The following COL4A5 variants were observed in gnomAD, a reference collection of about 807,000 sequenced individuals.
The protein encoded by COL4A5 is collagen alpha-5(IV) chain.
A neutral mutation model predicts 130.2 loss-of-function variants in COL4A5; 26 were observed. That is an observed-to-expected ratio of 0.20 (90% CI 0.15 to 0.28). COL4A5 has a LOEUF of 0.28. COL4A5 is among the 10% of genes least tolerant of loss of function. The probability of loss-of-function intolerance (pLI) is 1.00; values close to 1 mark genes in which losing one functional copy is unlikely to be tolerated. For missense variants in COL4A5, 1,131 were observed against 1,344.3 expected (o/e 0.84, Z 2.48); for synonymous variants, 496 against 439.6 (o/e 1.13, Z -1.60).
intron 1 of COL4A5, among the ~76,000 whole-genome samples, chrX:108,444,625 T>C (rs1243462184): frequency 8.9e-6 from 1 of 112,178 alleles, no homozygotes; most frequent in African/African-American, 3.2e-5. Context: ...AGCCAAGATC[T>C]GGGTGCTTGG....
intron 41 of COL4A5, among the ~76,000 whole-genome samples, chrX:108,669,267 T>C (rs1260821752): frequency 1.8e-5 from 2 of 112,476 alleles, no homozygotes; most frequent in Admixed American, 1.9e-4. Flanking sequence ...TTTTGAGACT[T>C]GATATTCAAA....
chrX:108,654,340 T>C (rs2067793338), intron 36 of COL4A5, among the ~76,000 whole-genome samples: 1 of 106,564 alleles, frequency 9.4e-6, no homozygotes, highest in Admixed American at 9.6e-5. Flanking sequence ...ATTAAGGAGT[T>C]AAGACTGCAT....
At chrX:108,446,122 A>G (rs1399363179) in intron 1 of COL4A5, among the ~76,000 whole-genome samples, 1 of 111,534 alleles carries the variant, frequency 9.0e-6, no homozygotes, top group Non-Finnish European at 1.9e-5. Flanking sequence ...AAATACTAAA[A>G]AACCTGATTA....
intron 1 of COL4A5, among the ~76,000 whole-genome samples, chrX:108,467,481 G>T (rs183957668): frequency 2.7e-5 from 3 of 111,081 alleles, no homozygotes; most frequent in Non-Finnish European, 5.7e-5. Flanking sequence ...TGGTTCTTAG[G>T]GCCCCTTGCA....
intron 1 of COL4A5, among the ~76,000 whole-genome samples, chrX:108,492,856 A>T (rs769246504): frequency 3.6e-5 from 4 of 111,316 alleles, no homozygotes; most frequent in Non-Finnish European, 5.7e-5. Flanking sequence ...AAAATCATTG[A>T]GTCTTTTATA....
chrX:108,546,478 A>G (rs1415532355), intron 2 of COL4A5, among the ~76,000 whole-genome samples: 4 of 111,887 alleles, frequency 3.6e-5, no homozygotes, highest in East Asian at 2.8e-4. Context: ...CAAGAGATCC[A>G]CTGTTAGTCT....
rs200042343 is a variant in COL4A5, at chrX:108,655,352, T to C, written c.3268T>C (p.Tyr1090His). Residue 1090 changes from tyrosine (Y) to histidine (H), a missense_variant, in exon 37 of 53, where the codon TAC becomes CAC. Physicochemically the swap from Tyr to His is moderately conservative, Grantham distance 83. Transcript: ENST00000328300. ...GPKGEPGLPGYPGNPGIKGSV... is the reference protein window; with the variant it reads ...GPKGEPGLPGHPGNPGIKGSV... ...TCAGGGTGAGCCTGGTCTGCCTGGA[T>C]ACCCAGGGAACCCTGGTATCAAAGG... The C allele has an allele frequency of 1.6e-5, 19 of 1,208,638 alleles. No individual in the cohort carries two copies. The highest frequency in any genetic ancestry group is 2.1e-5 in the Non-Finnish European group (19 of 894,484).
chrX:108,665,581 C>T lies in COL4A5; in HGVS notation c.3448C>T (p.Pro1150Ser), dbSNP rs1199256878. The change falls in exon 38 of 53, where the codon CCT (proline) becomes TCT (serine). Residue 1150 changes from proline (P) to serine (S), a missense_variant. Physicochemically the swap from Pro to Ser is moderately conservative, Grantham distance 74. Coordinates refer to ENST00000328300, the MANE Select transcript of COL4A5 (RefSeq NM_033380.3). ...CCCCGGCCTTCCAGGAGAACCTGGT[C>T]CTGTAGGTAAGCATGAAAAATAACA... is the stretch of plus-strand genomic sequence containing the variant. ...GNPGLPGEPG[P>S]VGGGGHPGQP... The T allele has an allele frequency of 8.4e-6, 10 of 1,186,761 alleles. No homozygotes were observed. Among genetic ancestry groups the T allele is most frequent in the Non-Finnish European group, 1.0e-5 (9 of 873,851 alleles).
At chrX:108,634,114 G>T (rs1250503520) in intron 36 of COL4A5, among the ~76,000 whole-genome samples, 4 of 109,474 alleles carry the variant, frequency 3.7e-5, no homozygotes, top group Non-Finnish European at 7.6e-5. Flanking sequence ...AAAGCATTTA[G>T]TTGTGTCACC....
chrX:108,441,678 G>C (rs1186733855), intron 1 of COL4A5, among the ~76,000 whole-genome samples: 1 of 112,082 alleles, frequency 8.9e-6, no homozygotes, highest in Non-Finnish European at 1.9e-5. Flanking sequence ...TACAGACTTG[G>C]ATAAAACTGC....
At chrX:108,569,908 C>T (rs2066034747) in intron 6 of COL4A5, among the ~76,000 whole-genome samples, 1 of 111,103 alleles carries the variant, frequency 9.0e-6, no homozygotes, top group Admixed American at 9.6e-5. Context: ...TCTCGAATTC[C>T]TGACCTCTTG....
intron 19 of COL4A5, among the ~76,000 whole-genome samples, chrX:108,588,219 A>G (rs1041276662): frequency 9.0e-6 from 1 of 111,370 alleles, no homozygotes; most frequent in African/African-American, 3.3e-5. Context: ...AGTGCCTGGC[A>G]CACATACATA....
At chrX:108,508,557 C>CAAAAAA (rs1182036182) in intron 1 of COL4A5, among the ~76,000 whole-genome samples, 15 of 38,163 alleles carry the variant, frequency 3.9e-4, no homozygotes, top group South Asian at 1.8e-3. Flanking sequence ...CATGTAGGAC[C>CAAAAAA]AAAAAAAAAA....
chrX:108,654,254 T>C, intron 36 of COL4A5, among the ~76,000 whole-genome samples: 1 of 112,752 alleles, frequency 8.9e-6, no homozygotes, highest in South Asian at 3.6e-4. Context: ...GAAAAAACCT[T>C]AATGCAAATA....
At position 108,553,781 on chromosome X, in the gene COL4A5, T is replaced by C. The variant is rs890282243; in HGVS notation, c.142-5283T>C. On this transcript the variant is annotated intron_variant, in intron 2 of 52. Coordinates refer to ENST00000328300, the MANE Select transcript of COL4A5 (RefSeq NM_033380.3). ...ATAAAAACTTGTACTTGAAAATTCA[T>C]AGTAGCTTTATTTGTAATAGCCAGA... Among the ~76,000 whole-genome samples the C allele has an allele frequency of 6.2e-5, 7 of 112,060 alleles. No individual in the cohort carries two copies. In the East Asian group the frequency reaches 8.3e-4, roughly 13 times the overall value.
rs1201818706 is a variant in COL4A5, at chrX:108,518,694, TTAAC to T, written c.82-21049_82-21046del. Among the ~76,000 whole-genome samples the T allele has an allele frequency of 3.6e-5, 4 of 111,701 alleles. No individual in the cohort carries two copies. In the South Asian group the frequency reaches 1.1e-3, roughly 31 times the overall value. ...CATTTTTTTAAATCAAGGAAAATCA[TTAAC>T]TACATCAGTATCGATGAATTACATG... On this transcript the variant is annotated intron_variant, in intron 1 of 52. Coordinates refer to ENST00000328300, the MANE Select transcript of COL4A5 (RefSeq NM_033380.3).
intron 19 of COL4A5, 79 bp downstream of exon 19, chrX:108,586,826 A>G (rs1382086837): frequency 1.9e-6 from 2 of 1,046,743 alleles, no homozygotes; most frequent in African/African-American, 1.8e-5. Flanking sequence ...CATTAGTTCC[A>G]TGGTCAGCAT....
chrX:108,551,755 G>A lies in COL4A5; in HGVS notation c.142-7309G>A, dbSNP rs552698861. Among the ~76,000 whole-genome samples, 16 of 111,681 alleles carry A rather than the reference G, an allele frequency of 1.4e-4. No individual in the cohort carries two copies. The South Asian group carries it at 1.9e-3, about 13-fold the overall frequency. On this transcript the variant is annotated intron_variant, in intron 2 of 52. Coordinates refer to ENST00000328300, the MANE Select transcript of COL4A5 (RefSeq NM_033380.3). ...AGCAATCATTCTACTGAAGAGACACGTGCACTCATATGTTCATCACAGCAC... is the reference window on the plus strand; with the variant it reads ...AGCAATCATTCTACTGAAGAGACACATGCACTCATATGTTCATCACAGCAC...
At chrX:108,543,750 T>C (rs748334174) in intron 2 of COL4A5, among the ~76,000 whole-genome samples, 2 of 112,359 alleles carry the variant, frequency 1.8e-5, no homozygotes, top group African/African-American at 6.5e-5. Flanking sequence ...GCATGGAATG[T>C]TCTTGCATTT....
Sources: allele counts gnomAD v4.1 joint callset (sites outside exome capture counted in the v4.1 genomes callset), GRCh38; gene constraint gnomAD v4.1.1; transcripts MANE v1.5; gene names NCBI Gene and HGNC (gene_info 2026-07-23, HGNC 2026-07-21).